The following ZDHHC14 variants were observed in gnomAD, a reference collection of about 807,000 sequenced individuals.
ZDHHC14 encodes the protein palmitoyltransferase ZDHHC14.
Under a neutral mutation model 47.7 loss-of-function variants are expected in ZDHHC14, and 16 were observed. That is an observed-to-expected ratio of 0.34 (90% CI 0.23 to 0.51). The LOEUF (loss-of-function observed/expected upper bound fraction) is 0.51, where lower values mean the gene tolerates loss of function less well. Among genes scored for constraint, ZDHHC14 ranks in the 20% least tolerant of loss-of-function variants. ZDHHC14 has a pLI of 0.97. For synonymous variants in ZDHHC14, 293 were observed against 278.9 expected, an observed-to-expected ratio of 1.05 and a Z score of -0.50; for missense variants, 515 against 662.5, an observed-to-expected ratio of 0.78 and a Z score of 2.44.
At chr6:157,565,985 G>T (rs189420527) in intron 2 of ZDHHC14, among the ~76,000 whole-genome samples, 1 of 152,228 alleles carries the variant, frequency 6.6e-6, no homozygotes, top group East Asian at 1.9e-4. Context: ...CCAGGAAAAC[G>T]CTCTTTCCTC....
At chr6:157,394,299 G>A (rs1223414303) in intron 1 of ZDHHC14, among the ~76,000 whole-genome samples, 1 of 152,242 alleles carries the variant, frequency 6.6e-6, no homozygotes, top group Admixed American at 6.5e-5. Context: ...CCATGAAAAG[G>A]TGGAGTCTGA....
intron 1 of ZDHHC14, among the ~76,000 whole-genome samples, chr6:157,447,417 G>A (rs1021038303): frequency 9.9e-5 from 15 of 152,232 alleles, no homozygotes; most frequent in Admixed American, 9.2e-4. Context: ...TACGGAGGCT[G>A]CACAGGCTCT....
intron 5 of ZDHHC14, among the ~76,000 whole-genome samples, chr6:157,634,467 C>G (rs34191344): frequency 1.3e-5 from 2 of 152,110 alleles, no homozygotes; most frequent in East Asian, 1.9e-4. Flanking sequence ...GACATCCCCC[C>G]ACTATCACCT....
At chr6:157,634,925 C>T (rs1425437144) in intron 5 of ZDHHC14, among the ~76,000 whole-genome samples, 1 of 152,224 alleles carries the variant, frequency 6.6e-6, no homozygotes, top group Non-Finnish European at 1.5e-5. Context: ...GTACGTGTCC[C>T]CTGGGAGCCA....
At chr6:157,421,856 C>A (rs1201313577) in intron 1 of ZDHHC14, among the ~76,000 whole-genome samples, 1 of 152,172 alleles carries the variant, frequency 6.6e-6, no homozygotes, top group Admixed American at 6.5e-5. Context: ...GATCCACCCG[C>A]CTTGGCCTCC....
chr6:157,537,513 C>A (rs1781585664), intron 1 of ZDHHC14, among the ~76,000 whole-genome samples: 1 of 152,162 alleles, frequency 6.6e-6, no homozygotes. Flanking sequence ...TAGCTAATTT[C>A]TTTTATGTTA....
At chr6:157,579,197 T>TTG (rs1783423286) in intron 2 of ZDHHC14, among the ~76,000 whole-genome samples, 1 of 122,480 alleles carries the variant, frequency 8.2e-6, no homozygotes, top group Non-Finnish European at 1.6e-5. Flanking sequence ...TGTGTTTTTT[T>TTG]TTTTTTTTTT....
chr6:157,472,484 A>C (rs1779379737), intron 1 of ZDHHC14, among the ~76,000 whole-genome samples: 1 of 150,216 alleles, frequency 6.7e-6, no homozygotes, highest in African/African-American at 2.4e-5. Context: ...GTAAATAATA[A>C]GTGGAGTGGA....
At chr6:157,475,630 A>T (rs1376647773) in intron 1 of ZDHHC14, among the ~76,000 whole-genome samples, 1 of 152,058 alleles carries the variant, frequency 6.6e-6, no homozygotes, top group African/African-American at 2.4e-5. Flanking sequence ...ACTCTTGTGA[A>T]TGAGATAGTT....
At chr6:157,624,949 G>A (rs1178638227) in intron 3 of ZDHHC14, among the ~76,000 whole-genome samples, 5 of 152,194 alleles carry the variant, frequency 3.3e-5, no homozygotes, top group Non-Finnish European at 4.4e-5. Flanking sequence ...TACATCTGAA[G>A]GGTCTTCTTG....
intron 8 of ZDHHC14, among the ~76,000 whole-genome samples, chr6:157,660,495 G>A (rs905910680): frequency 6.6e-6 from 1 of 152,106 alleles, no homozygotes; most frequent in African/African-American, 2.4e-5. Context: ...GCCTGGCCCC[G>A]GATGGTTTCT....
chr6:157,618,559 T>G (rs1349997678), intron 3 of ZDHHC14, among the ~76,000 whole-genome samples: 1 of 152,140 alleles, frequency 6.6e-6, no homozygotes, highest in Middle Eastern at 3.2e-3. Context: ...TGACCTCAAA[T>G]GATCCACCCA....
intron 1 of ZDHHC14, among the ~76,000 whole-genome samples, chr6:157,515,571 C>T (rs571795419): frequency 2.4e-4 from 36 of 149,984 alleles, no homozygotes; most frequent in Non-Finnish European, 2.5e-4. Context: ...TCACGCCATT[C>T]TCCTGCCTCA....
At chr6:157,646,551 T>G (rs1777564187) in intron 6 of ZDHHC14, among the ~76,000 whole-genome samples, 1 of 149,486 alleles carries the variant, frequency 6.7e-6, no homozygotes, top group African/African-American at 2.5e-5. Flanking sequence ...AGGCAGAGGT[T>G]GCAGTGAGCT....
chr6:157,528,445 C>T (rs1323975157), intron 1 of ZDHHC14, among the ~76,000 whole-genome samples: 4 of 150,574 alleles, frequency 2.7e-5, no homozygotes, highest in Non-Finnish European at 4.4e-5. Context: ...TTAAAAAGCA[C>T]GATAGGGTGG....
intron 2 of ZDHHC14, among the ~76,000 whole-genome samples, chr6:157,555,792 C>A (rs746527702): frequency 2.0e-5 from 3 of 152,218 alleles, no homozygotes; most frequent in Non-Finnish European, 4.4e-5. Context: ...AGCATCCCCA[C>A]CTTCTACCCA....
chr6:157,575,399 T>A (rs1347918128), intron 2 of ZDHHC14, among the ~76,000 whole-genome samples: 1 of 152,222 alleles, frequency 6.6e-6, no homozygotes, highest in Non-Finnish European at 1.5e-5. Context: ...GCACTCAGAA[T>A]GAAGGCCAAC....
Position 157,598,244 on chromosome 6 carries a change from A to G in ZDHHC14, c.565+5098A>G, listed in dbSNP as rs534459294. 3.3e-5 allele frequency among the ~76,000 whole-genome samples: 5 copies of G among 152,268 alleles called. No homozygotes were observed. The South Asian group carries it at 1.0e-3, about 32-fold the overall frequency. On this transcript the variant is annotated intron_variant, in intron 3 of 8. Transcript: ENST00000359775. ...CAGCTGCCTTCTGGTGTGGATTAGC[A>G]CTTGGGAATGCCTTTGTAACTATTT...
At chr6:157,626,006 G>T (rs1428535020) in intron 3 of ZDHHC14, among the ~76,000 whole-genome samples, 1 of 152,102 alleles carries the variant, frequency 6.6e-6, no homozygotes, top group East Asian at 1.9e-4. Flanking sequence ...TAGTTACTCT[G>T]CCTCCGTCGG....
Sources: allele counts gnomAD v4.1 joint callset (sites outside exome capture counted in the v4.1 genomes callset), GRCh38; gene constraint gnomAD v4.1.1; transcripts MANE v1.5; gene names NCBI Gene and HGNC (gene_info 2026-07-23, HGNC 2026-07-21).